TPGS2: variants seen among roughly 807,000 people sequenced by gnomAD.
The protein encoded by TPGS2 is tubulin polyglutamylase complex subunit 2.
Under a neutral mutation model 31.1 loss-of-function variants are expected in TPGS2, and 26 were observed. The observed-to-expected ratio is 0.84, with a 90% CI of 0.61 to 1.16. TPGS2 has a LOEUF of 1.16. Among genes scored for constraint, TPGS2 ranks in the 50% most tolerant of loss-of-function variants. The pLI is 0.00. For missense variants in TPGS2, 351 were observed against 363.8 expected, an observed-to-expected ratio of 0.96 and a Z score of 0.29; for synonymous variants, 130 against 136.6, an observed-to-expected ratio of 0.95 and a Z score of 0.34.
downstream of TPGS2, among the ~76,000 whole-genome samples, chr18:36,792,983 A>G (rs951283911): frequency 2.6e-5 from 4 of 152,104 alleles, no homozygotes; most frequent in African/African-American, 9.7e-5. Flanking sequence ...CAAAACATAA[A>G]TTTCCTGGGT....
chr18:36,803,968 C>G (rs2044976389), intron 4 of TPGS2, among the ~76,000 whole-genome samples: 1 of 151,914 alleles, frequency 6.6e-6, no homozygotes, highest in African/African-American at 2.4e-5. Flanking sequence ...GGTGTGATCA[C>G]AGCATGCTAC....
chr18:36,816,619 T>G (rs544847398), intron 2 of TPGS2, among the ~76,000 whole-genome samples: 37 of 152,238 alleles, frequency 2.4e-4, no homozygotes, highest in African/African-American at 7.0e-4. Flanking sequence ...TTCTTTTTTT[T>G]GGGGGTGGGG....
chr18:36,820,193 G>T (rs2045835919), intron 1 of TPGS2, among the ~76,000 whole-genome samples: 1 of 152,186 alleles, frequency 6.6e-6, no homozygotes, highest in African/African-American at 2.4e-5. Context: ...TTTACTAGTT[G>T]TATGACCTTA....
chr18:36,782,068 G>T (rs2044030992), downstream of TPGS2: 1 of 439,406 alleles, frequency 2.3e-6, no homozygotes, highest in Non-Finnish European at 3.0e-6. Flanking sequence ...ATGTTTGTAT[G>T]ACATGAGATA....
intron 6 of TPGS2, among the ~76,000 whole-genome samples, chr18:36,788,141 A>G (rs1161458106): frequency 6.6e-6 from 1 of 152,208 alleles, no homozygotes; most frequent in Admixed American, 6.5e-5. Context: ...TTGAAGACGG[A>G]TTACCATTTT....
chr18:36,828,758 C>T lies in TPGS2; in HGVS notation c.10G>A (p.Glu4Lys), dbSNP rs2046325722. 1 of 1,613,638 alleles carries T rather than the reference C, an allele frequency of 6.2e-7. No individual in the cohort carries two copies. Residue 4 changes from glutamate (E) to lysine (K), a missense_variant, in exon 1 of 7, where the codon GAG becomes AAG. Transcript: ENST00000334295. MEEEASSPGLGCSK... is the reference protein window; with the variant it reads MEEKASSPGLGCSK... ...CAGCCCAGCCCCGGGGACGATGCCT[C>T]CTCCTCCATGGCTCGCGACCGCGAT...
chr18:36,822,708 T>C lies in TPGS2; in HGVS notation c.86-3735A>G, dbSNP rs148660293. On this transcript the variant is annotated intron_variant, in intron 1 of 6. Coordinates refer to ENST00000334295, the MANE Select transcript of TPGS2 (RefSeq NM_015476.4). ...CTTCTGGGCTCAAGTGATCCTCCCA[T>C]CTTAGCCTCCCAAGTAGCTGGGACT... Among the ~76,000 whole-genome samples, 1,493 of 152,172 alleles carry C rather than the reference T, an allele frequency of 9.8e-3. 31 individuals are homozygous for C. Among genetic ancestry groups the C allele is most frequent in the African/African-American group, 0.034 (1,419 of 41,508 alleles).
At chr18:36,792,359 T>C (rs930650190), downstream of TPGS2, among the ~76,000 whole-genome samples, 1 of 152,232 alleles carries the variant, frequency 6.6e-6, no homozygotes, top group African/African-American at 2.4e-5. Flanking sequence ...ACCTGGATGA[T>C]GGATACATGG....
intron 6 of TPGS2, chr18:36,786,786 T>A (rs901211110): frequency 5.7e-6 from 7 of 1,233,088 alleles, no homozygotes; most frequent in Non-Finnish European, 6.1e-6. Context: ...CAGCAGAGAG[T>A]CTGTTCACTT....
chr18:36,803,135 A>T (rs2044920021), intron 4 of TPGS2, among the ~76,000 whole-genome samples: 1 of 152,204 alleles, frequency 6.6e-6, no homozygotes, highest in Non-Finnish European at 1.5e-5. Flanking sequence ...TTGCGGTGAG[A>T]ACATTTAAAA....
downstream of TPGS2, chr18:36,780,097 C>T: frequency 8.2e-7 from 1 of 1,219,116 alleles, no homozygotes; most frequent in East Asian, 3.2e-5. Flanking sequence ...GGACCTTAAA[C>T]AGTTCCACAG....
chr18:36,800,169 A>G (rs1458522261), intron 5 of TPGS2, 29 bp downstream of exon 5: 12 of 1,600,574 alleles, frequency 7.5e-6, no homozygotes, highest in Non-Finnish European at 1.0e-5. Flanking sequence ...TAGCCAAACT[A>G]CGGGACCACG....
At chr18:36,820,767 T>C (rs2045858624) in intron 1 of TPGS2, among the ~76,000 whole-genome samples, 1 of 152,194 alleles carries the variant, frequency 6.6e-6, no homozygotes, top group Admixed American at 6.5e-5. Context: ...TTTGGTGAGA[T>C]AACTAAAAAC....
chr18:36,803,006 A>C (rs1404102955), intron 4 of TPGS2, among the ~76,000 whole-genome samples: 1 of 152,194 alleles, frequency 6.6e-6, no homozygotes, highest in Non-Finnish European at 1.5e-5. Context: ...TTTGACAAAT[A>C]ATAATTGTAT....
In TPGS2 at chr18:36,794,651, GA is replaced by G. The variant is rs1354450986; in HGVS notation, c.*2153del. On this transcript the variant is annotated 3_prime_UTR_variant, in exon 7 of 7. Transcript: ENST00000334295. ...CTCTTCCTTTGATCAATTCTGGCAA[GA>G]AAAATACTTCTGGAAGACTAAACTC... 1.0e-6 allele frequency: 1 copy of G among 985,244 alleles called. No homozygotes were observed. Among genetic ancestry groups the G allele is most frequent in the Non-Finnish European group, 1.2e-6 (1 of 829,926 alleles). The allele number at this position is 985,244 out of a possible 1,614,324, so 61.0% of individuals were successfully genotyped here. A position where few individuals can be genotyped will look rare whatever the true frequency, so the allele number is the denominator to read the frequency against.
intron 1 of TPGS2, among the ~76,000 whole-genome samples, chr18:36,823,637 T>C (rs2046003331): frequency 6.6e-6 from 1 of 151,146 alleles, no homozygotes; most frequent in Admixed American, 6.6e-5. Flanking sequence ...ATTTTTTGTA[T>C]TTTTAGTAGA....
intron 1 of TPGS2, among the ~76,000 whole-genome samples, chr18:36,825,229 G>A (rs564800349): frequency 7.2e-5 from 11 of 152,080 alleles, no homozygotes; most frequent in African/African-American, 2.2e-4. Context: ...TCAGGAGATC[G>A]AGACCATCCT....
chr18:36,810,949 C>T (rs1214281369), intron 2 of TPGS2, among the ~76,000 whole-genome samples: 2 of 152,126 alleles, frequency 1.3e-5, no homozygotes, highest in African/African-American at 2.4e-5. Flanking sequence ...CCCATTATTC[C>T]CCTCACTTTT....
chr18:36,796,956 A>T lies in TPGS2; in HGVS notation c.752T>A (p.Val251Glu). ...TACGATCTTGTTCTTGCTCTTAAACACTTTGCTGGGATCTAGCTTATTCAC... is the reference window on the plus strand; with the variant it reads ...TACGATCTTGTTCTTGCTCTTAAACTCTTTGCTGGGATCTAGCTTATTCAC... Reference protein sequence around the residue: ...SFVNKLDPSKVFKSKNKIVIP... With the variant: ...SFVNKLDPSKEFKSKNKIVIP... The change falls in exon 7 of 7, where the codon GTG becomes GAG. Residue 251 changes from valine to glutamate, a missense_variant. Coordinates refer to ENST00000334295, the MANE Select transcript of TPGS2 (RefSeq NM_015476.4). 1.2e-6 allele frequency: 2 copies of T among 1,605,224 alleles called. No homozygotes were observed. Among genetic ancestry groups the T allele is most frequent in the Non-Finnish European group, 1.7e-6 (2 of 1,177,298 alleles).
Sources: gnomAD v4.1 joint callset for allele counts (sites outside exome capture counted in the v4.1 genomes callset) on GRCh38, gnomAD v4.1.1 for gene constraint, MANE v1.5 for transcripts, NCBI Gene and HGNC (gene_info 2026-07-23, HGNC 2026-07-21) for gene names.